Variants in PVT1 observed in about 807,000 individuals in gnomAD.
PVT1 encodes CXCR4/PVT1 fusion.
intron 5 of PVT1, among the ~76,000 whole-genome samples, chr8:128,074,499 A>C (rs1320987560): frequency 7.2e-6 from 1 of 138,844 alleles, no homozygotes; most frequent in Admixed American, 7.4e-5. Context: ...CTCCAGCCTG[A>C]GTGACAGAGT....
chr8:128,021,177 C>T (rs934705618), intron 4 of PVT1, among the ~76,000 whole-genome samples: 3 of 151,948 alleles, frequency 2.0e-5, no homozygotes, highest in African/African-American at 4.8e-5. Flanking sequence ...CTACAGACAT[C>T]CTGTGGGCTT....
chr8:127,840,094 A>T (rs1345895649), intron 2 of PVT1, among the ~76,000 whole-genome samples: 1 of 152,208 alleles, frequency 6.6e-6, no homozygotes, highest in African/African-American at 2.4e-5. Flanking sequence ...AGGAGTGAGC[A>T]GGTAAAGGGG....
At chr8:128,066,221 A>G (rs1499370) in intron 4 of PVT1, among the ~76,000 whole-genome samples, 52,690 of 152,044 alleles carry the variant, frequency 0.35, 9,447 homozygotes, top group Middle Eastern at 0.43. Flanking sequence ...GAACTTTCTT[A>G]CCCATTGTGA....
chr8:127,972,564 C>A (rs577645393), intron 3 of PVT1, among the ~76,000 whole-genome samples: 92 of 152,008 alleles, frequency 6.1e-4, no homozygotes, highest in Non-Finnish European at 1.0e-3. Flanking sequence ...ATGGTGCAAC[C>A]CTGTCTCTAC....
chr8:128,001,260 G>T (rs552087895), intron 4 of PVT1, among the ~76,000 whole-genome samples: 2 of 152,332 alleles, frequency 1.3e-5, no homozygotes, highest in East Asian at 1.9e-4. Flanking sequence ...AGCCTGCTGT[G>T]CATAAAGGTG....
At chr8:128,083,173 T>C (rs1378996635) in intron 5 of PVT1, among the ~76,000 whole-genome samples, 1 of 152,220 alleles carries the variant, frequency 6.6e-6, no homozygotes, top group Non-Finnish European at 1.5e-5. Context: ...TCAGTAACTG[T>C]GTATTGACTG....
intron 2 of PVT1, among the ~76,000 whole-genome samples, chr8:127,833,642 C>T (rs1056527775): frequency 1.3e-5 from 2 of 152,076 alleles, no homozygotes; most frequent in Non-Finnish European, 2.9e-5. Flanking sequence ...TTAGTAGAGA[C>T]AAGGTTTCAC....
chr8:127,993,598 T>C (rs1032446480), intron 4 of PVT1, among the ~76,000 whole-genome samples: 2 of 152,244 alleles, frequency 1.3e-5, no homozygotes, highest in Admixed American at 6.5e-5. Context: ...TTGTTCTCTG[T>C]CTGCTTCCAG....
rs530263599 is a variant in PVT1 at position 127,926,087 on chromosome 8, AC to A, written n.782+35090del. On this transcript the variant is annotated intron_variant and non_coding_transcript_variant, in intron 3 of 10. Transcript: ENST00000651587. ...CTGCAGTCCTGTTCTTGTTCTGCCC[AC>A]TTCCCTCCAGTCATGGTCTCTGGCC... 2.5e-3 allele frequency among the ~76,000 whole-genome samples: 373 copies of A among 152,196 alleles called. 2 individuals carry two copies. Among genetic ancestry groups the A allele is most frequent in the African/African-American group, 8.6e-3 (357 of 41,530 alleles).
chr8:127,799,432 G>A (rs77602520), intron 2 of PVT1, among the ~76,000 whole-genome samples: 4,845 of 152,272 alleles, frequency 0.032, 149 homozygotes, highest in Admixed American at 0.099. Flanking sequence ...AATAAAGAAA[G>A]AACTGCTTTG....
chr8:127,888,229 C>T (rs866760575), intron 2 of PVT1, among the ~76,000 whole-genome samples: 4 of 152,130 alleles, frequency 2.6e-5, no homozygotes, highest in Admixed American at 6.5e-5. Flanking sequence ...CGTGAGCCAC[C>T]GCACTGGGCT....
At chr8:127,877,353 A>T (rs1815417631) in intron 2 of PVT1, among the ~76,000 whole-genome samples, 1 of 152,174 alleles carries the variant, frequency 6.6e-6, no homozygotes, top group Non-Finnish European at 1.5e-5. Flanking sequence ...TGGGGTTGTG[A>T]GGATACATGG....
chr8:127,868,718 T>A (rs1251583060), intron 2 of PVT1, among the ~76,000 whole-genome samples: 2 of 149,006 alleles, frequency 1.3e-5, no homozygotes, highest in African/African-American at 5.0e-5. Flanking sequence ...AGGTTTTTTT[T>A]AATAGTCCTG....
intron 4 of PVT1, among the ~76,000 whole-genome samples, chr8:127,994,797 C>T (rs1817086179): frequency 6.6e-6 from 1 of 152,098 alleles, no homozygotes; most frequent in South Asian, 2.1e-4. Flanking sequence ...CCAGGAATGC[C>T]AAGGGCAGGA....
chr8:128,038,672 C>G (rs779566829), intron 4 of PVT1, among the ~76,000 whole-genome samples: 86 of 152,100 alleles, frequency 5.7e-4, no homozygotes, highest in Non-Finnish European at 6.3e-4. Flanking sequence ...CTAGTTGACT[C>G]CTTGGGGACG....
At chr8:127,870,142 A>G (rs1026061223) in intron 2 of PVT1, among the ~76,000 whole-genome samples, 1 of 152,176 alleles carries the variant, frequency 6.6e-6, no homozygotes, top group African/African-American at 2.4e-5. Context: ...TTAAGATGAT[A>G]TCATATTGGA....
At chr8:128,024,262 G>A (rs1230771142) in intron 4 of PVT1, among the ~76,000 whole-genome samples, 1 of 152,204 alleles carries the variant, frequency 6.6e-6, no homozygotes, top group Non-Finnish European at 1.5e-5. Flanking sequence ...GGCCCTTGGT[G>A]TGACTTATTG....
intron 2 of PVT1, among the ~76,000 whole-genome samples, chr8:127,879,732 C>G (rs1404807049): frequency 1.3e-5 from 2 of 152,154 alleles, no homozygotes; most frequent in Non-Finnish European, 2.9e-5. Flanking sequence ...ACAACCAATG[C>G]TCTCAGAACC....
At chr8:127,852,246 G>A (rs1213427804) in intron 2 of PVT1, 1 of 152,272 alleles carries the variant, frequency 6.6e-6, no homozygotes, top group East Asian at 1.9e-4. Flanking sequence ...CCAAGGCAGA[G>A]CCTGGCGTCA....
Sources: allele counts gnomAD v4.1 joint callset (sites outside exome capture counted in the v4.1 genomes callset), GRCh38; gene constraint gnomAD v4.1.1; transcripts MANE v1.5; gene names NCBI Gene and HGNC (gene_info 2026-07-23, HGNC 2026-07-21).